Variants in ZNF616 observed in about 807,000 individuals in gnomAD.
ZNF616 encodes the protein zinc finger protein 616.
In ZNF616, 5 loss-of-function variants were observed where a neutral mutation model predicts 7.6. That is an observed-to-expected ratio of 0.66 (90% CI 0.34 to 1.38). The LOEUF (loss-of-function observed/expected upper bound fraction) is 1.38. Ranked by LOEUF, ZNF616 falls within the 40% of genes most tolerant of loss-of-function variation. The pLI is 0.04. For synonymous variants in ZNF616, 319 were observed against 317.2 expected (o/e 1.01, Z -0.06); for missense variants, 913 against 948.3 (o/e 0.96, Z 0.49).
At chr19:52,119,307 T>C (rs1441160453) in intron 3 of ZNF616, among the ~76,000 whole-genome samples, 1 of 139,600 alleles carries the variant, frequency 7.2e-6, no homozygotes. Context: ...ACCCGGGAGG[T>C]GGAGGTTACA....
At chr19:52,129,553 A>G (rs1252280507) in intron 2 of ZNF616, among the ~76,000 whole-genome samples, 1 of 152,156 alleles carries the variant, frequency 6.6e-6, no homozygotes, top group Non-Finnish European at 1.5e-5. Flanking sequence ...TCCCCGCAGG[A>G]ACACCGCAGT....
chr19:52,115,144 A>G lies in ZNF616; in HGVS notation c.2020T>C (p.Ser674Pro). 1.9e-6 allele frequency: 3 copies of G among 1,614,052 alleles called. No homozygotes were observed. Among genetic ancestry groups the G allele is most frequent in the Non-Finnish European group, 2.5e-6 (3 of 1,180,010 alleles). Residue 674 changes from serine (S) to proline (P), a missense_variant, in exon 4 of 4, where the codon TCA becomes CCA. Ser to Pro is a moderately conservative substitution (Grantham distance 74). Transcript: ENST00000600228. ...ATTATCTGATGTGCAGTGAGGTTTG[A>G]GCTCCGTTTAAAGGTTTTGCCACAC... The part of the protein sequence containing the change: ...NECGKTFKRS[S>P]NLTAHQIIHA...
rs887977398 is a variant in ZNF616 at position 52,113,296 on chromosome 19, G to C, written c.*1522C>G. On this transcript the variant is annotated 3_prime_UTR_variant, in exon 4 of 4. Transcript: ENST00000600228. ...CTGTTTAAAAAACTGGTTGAAATTT[G>C]TGCCACATTGATTACATTTCCAAGT... is the stretch of plus-strand genomic sequence containing the variant. 6.6e-6 allele frequency: 1 copy of C among 152,124 alleles called. No homozygotes were observed. The highest frequency in any genetic ancestry group is 2.1e-4 in the South Asian group (1 of 4,832). The allele number at this position is 152,124 out of a possible 1,614,324, so 9.4% of individuals were successfully genotyped here. A position where few individuals can be genotyped will look rare whatever the true frequency, so the allele number is the denominator to read the frequency against.
At chr19:52,136,901 T>TA (rs1568564167) in intron 1 of ZNF616, among the ~76,000 whole-genome samples, 1 of 151,482 alleles carries the variant, frequency 6.6e-6, no homozygotes, top group Non-Finnish European at 1.5e-5. Context: ...TGTCTCTACT[T>TA]AAAAAAACAA....
intron 2 of ZNF616, among the ~76,000 whole-genome samples, chr19:52,129,279 A>G (rs2088937428): frequency 6.6e-6 from 1 of 152,164 alleles, no homozygotes; most frequent in Non-Finnish European, 1.5e-5. Flanking sequence ...GACTCCGTAC[A>G]AAACAAAAAG....
intron 1 of ZNF616, among the ~76,000 whole-genome samples, chr19:52,136,810 C>T (rs1381736141): frequency 6.6e-6 from 1 of 152,024 alleles, no homozygotes; most frequent in Non-Finnish European, 1.5e-5. Flanking sequence ...TGCCTATAAT[C>T]CCAGCACTCT....
intron 1 of ZNF616, chr19:52,138,867 A>T (rs1443324123): frequency 2.0e-5 from 3 of 152,266 alleles, no homozygotes; most frequent in Non-Finnish European, 4.4e-5. Context: ...CAGTCCCAGC[A>T]CCACGTGGCT....
intron 2 of ZNF616, among the ~76,000 whole-genome samples, chr19:52,124,914 A>G (rs1315646244): frequency 6.6e-6 from 1 of 152,166 alleles, no homozygotes; most frequent in Non-Finnish European, 1.5e-5. Context: ...CAGAAGGAAC[A>G]GAAGGGCCAA....
chr19:52,133,789 A>G (rs1330906642), intron 1 of ZNF616, among the ~76,000 whole-genome samples: 2 of 152,128 alleles, frequency 1.3e-5, no homozygotes, highest in African/African-American at 4.8e-5. Flanking sequence ...CTAGGATTAC[A>G]GGTGTGAGCC....
intron 1 of ZNF616, among the ~76,000 whole-genome samples, chr19:52,138,132 C>A (rs1220405659): frequency 1.3e-5 from 2 of 152,110 alleles, no homozygotes; most frequent in African/African-American, 2.4e-5. Flanking sequence ...GCGACAGAGA[C>A]CCTGTCTCAA....
intron 3 of ZNF616, among the ~76,000 whole-genome samples, chr19:52,118,530 G>A (rs2088843614): frequency 6.6e-6 from 1 of 152,172 alleles, no homozygotes; most frequent in Non-Finnish European, 1.5e-5. Context: ...CACAGAAAGA[G>A]AAAGCCATGG....
chr19:52,135,097 C>A (rs2088996187), intron 1 of ZNF616, among the ~76,000 whole-genome samples: 1 of 152,174 alleles, frequency 6.6e-6, no homozygotes, highest in South Asian at 2.1e-4. Flanking sequence ...AGAAAACCCT[C>A]CCTAACGAAA....
At position 52,114,692 on chromosome 19, in the gene ZNF616, T is replaced by C. The variant is rs2088798895; in HGVS notation, c.*126A>G. On this transcript the variant is annotated 3_prime_UTR_variant, in exon 4 of 4. Transcript: ENST00000600228. ...AATCCACTTCCATGATTCAATCACC[T>C]CCCAATGGGCCCCACCTCCAATACT... is the stretch of plus-strand genomic sequence containing the variant. 1 of 1,144,096 alleles carries C rather than the reference T, an allele frequency of 8.7e-7. No individual in the cohort carries two copies. Among genetic ancestry groups the C allele is most frequent in the East Asian group, 2.5e-5 (1 of 40,386 alleles). The allele number at this position is 1,144,096 out of a possible 1,614,324, so 70.9% of individuals were successfully genotyped here. A position where few individuals can be genotyped will look rare whatever the true frequency, so the allele number is the denominator to read the frequency against.
At position 52,116,264 on chromosome 19, in the gene ZNF616, A is replaced by G. The variant is rs1008804101; in HGVS notation, c.900T>C (p.Asn300=). 1.2e-6 allele frequency: 2 copies of G among 1,614,018 alleles called. No individual in the cohort carries two copies. Among genetic ancestry groups the G allele is most frequent in the African/African-American group, 2.7e-5 (2 of 74,922 alleles). ...IHTGEKPYKC[N]LCGKSFSQRV... ...GCTGACTAAAGGATTTCCCACACAG[A>G]TTACATTTGTAAGGTTTTTCACCGG... The change falls in exon 4 of 4, where the codon AAT becomes AAC. Residue 300 remains asparagine (N), a synonymous_variant. Coordinates refer to ENST00000600228, the MANE Select transcript of ZNF616 (RefSeq NM_178523.5).
intron 3 of ZNF616, among the ~76,000 whole-genome samples, chr19:52,119,046 C>T (rs2088846865): frequency 6.6e-6 from 1 of 152,064 alleles, no homozygotes; most frequent in African/African-American, 2.4e-5. Flanking sequence ...TGCTGTGTTG[C>T]CAAAAGCATT....
At position 52,116,803 on chromosome 19, in the gene ZNF616, C is replaced by T. The variant is rs1350479288; in HGVS notation, c.361G>A (p.Gly121Ser). Residue 121 changes from glycine (G) to serine (S), a missense_variant, in exon 4 of 4, where the codon GGT becomes AGT. By Grantham distance (56) the Gly-to-Ser change is moderately conservative. Coordinates refer to ENST00000600228, the MANE Select transcript of ZNF616 (RefSeq NM_178523.5). ...VPVPHENNLT[G>S]KRDQHSQGDV... The stretch of plus-strand genomic sequence containing the variant: ...CCTTGACTATGTTGATCTCTTTTAC[C>T]AGTAAGATTGTTTTCATGGGGCACT... The T allele has an allele frequency of 1.2e-6, 2 of 1,613,934 alleles. No individual in the cohort carries two copies. The highest frequency in any genetic ancestry group is 2.2e-5 in the South Asian group (2 of 91,042).
chr19:52,138,505 A>G (rs1227781920), intron 1 of ZNF616: 7 of 152,178 alleles, frequency 4.6e-5, no homozygotes, highest in African/African-American at 1.2e-4. Context: ...CTTCACTACT[A>G]TGTGTTTCCC....
intron 3 of ZNF616, among the ~76,000 whole-genome samples, chr19:52,123,169 A>C (rs550281328): frequency 6.6e-6 from 1 of 152,348 alleles, no homozygotes; most frequent in African/African-American, 2.4e-5. Context: ...AGTATCCTCA[A>C]AAATATGGAA....
Position 52,115,588 on chromosome 19 carries a change from A to G in ZNF616, c.1576T>C (p.Cys526Arg), listed in dbSNP as rs774157774. 4 of 1,613,976 alleles carry G rather than the reference A, an allele frequency of 2.5e-6. No homozygotes were observed. Among genetic ancestry groups the G allele is most frequent in the Non-Finnish European group, 3.4e-6 (4 of 1,180,002 alleles). The change falls in exon 4 of 4, where the codon TGT (cysteine) becomes CGT (arginine). Residue 526 changes from cysteine (C) to arginine (R), a missense_variant. By Grantham distance (180) the Cys-to-Arg change is radical. Coordinates refer to ENST00000600228, the MANE Select transcript of ZNF616 (RefSeq NM_178523.5). Reference protein sequence around the residue: ...TGEKPYKCKECGKVFSDRSAF... With the variant: ...TGEKPYKCKERGKVFSDRSAF... ...GAACGGTCACTGAAGACCTTGCCAC[A>G]TTCTTTGCATTTGTAAGGTTTCTCT...
Sources: allele counts gnomAD v4.1 joint callset (sites outside exome capture counted in the v4.1 genomes callset), GRCh38; gene constraint gnomAD v4.1.1; transcripts MANE v1.5; gene names NCBI Gene and HGNC (gene_info 2026-07-23, HGNC 2026-07-21).